TRPC1: variants seen among roughly 807,000 people sequenced by gnomAD.
TRPC1 encodes the protein transient receptor potential cation channel subfamily C member 1, also known as short transient receptor potential channel 1.
A neutral mutation model predicts 88.2 loss-of-function variants in TRPC1; 42 were observed. That is an observed-to-expected ratio of 0.48 (90% confidence interval 0.37 to 0.62). TRPC1 has a LOEUF of 0.62. Among genes scored for constraint, TRPC1 ranks in the 20% least tolerant of loss-of-function variants. The probability of loss-of-function intolerance (pLI) is 0.00; values close to 1 mark genes in which losing one functional copy is unlikely to be tolerated. For missense variants in TRPC1, 699 were observed against 957.3 expected, an observed-to-expected ratio of 0.73 and a Z score of 3.56; for synonymous variants, 288 against 331.8, an observed-to-expected ratio of 0.87 and a Z score of 1.43.
intron 4 of TRPC1, among the ~76,000 whole-genome samples, chr3:142,763,856 A>C (rs1409976924): frequency 6.6e-6 from 1 of 150,818 alleles, no homozygotes; most frequent in Non-Finnish European, 1.5e-5. Context: ...TATAGGTTTC[A>C]TACTATCATT....
chr3:142,775,410 G>A (rs1935734149), intron 4 of TRPC1, among the ~76,000 whole-genome samples: 1 of 152,136 alleles, frequency 6.6e-6, no homozygotes, highest in African/African-American at 2.4e-5. Flanking sequence ...CTTGAGCCTA[G>A]GAGTTCAAGA....
chr3:142,778,549 A>G (rs1935859098), intron 5 of TRPC1, among the ~76,000 whole-genome samples: 1 of 152,194 alleles, frequency 6.6e-6, no homozygotes, highest in Admixed American at 6.5e-5. Flanking sequence ...TCCTTTATGG[A>G]AAAGTATCCC....
At chr3:142,777,298 T>G (rs1438597444) in intron 4 of TRPC1, among the ~76,000 whole-genome samples, 1 of 152,134 alleles carries the variant, frequency 6.6e-6, no homozygotes, top group Non-Finnish European at 1.5e-5. Context: ...AGACCCTGTC[T>G]TTTAAGTTAA....
chr3:142,731,416 G>C (rs563332849), intron 1 of TRPC1, among the ~76,000 whole-genome samples: 1 of 118,016 alleles, frequency 8.5e-6, no homozygotes, highest in Non-Finnish European at 1.6e-5. Context: ...ACCGAGTCTC[G>C]CTCTGTCGCC....
At chr3:142,766,526 G>A (rs1028222566) in intron 4 of TRPC1, among the ~76,000 whole-genome samples, 1 of 151,476 alleles carries the variant, frequency 6.6e-6, no homozygotes, top group African/African-American at 2.4e-5. Flanking sequence ...TCATCCTCCT[G>A]GGTAGATAGG....
chr3:142,756,328 G>GT (rs758480065), intron 4 of TRPC1, among the ~76,000 whole-genome samples: 1 of 149,626 alleles, frequency 6.7e-6, no homozygotes, highest in East Asian at 2.0e-4. Context: ...GTTGGAAACA[G>GT]TTTAACATTT....
Position 142,804,620 on chromosome 3 carries a change from A to C in TRPC1, c.2144A>C (p.Asn715Thr). The C allele has an allele frequency of 6.2e-7, 1 of 1,604,082 alleles. No individual in the cohort carries two copies. Among genetic ancestry groups the C allele is most frequent in the East Asian group, 2.2e-5 (1 of 44,604 alleles). The change falls in exon 12 of 13, where the codon AAC becomes ACC. Residue 715 changes from asparagine (N) to threonine (T), a missense_variant. By Grantham distance (65) the Asn-to-Thr change is moderately conservative. This residue lies in a region of TRPC1 where 105 missense variants were observed against 141.7 expected (regional missense o/e 0.74). Transcript: ENST00000476941. ...TCAAAAGGCAAGGTCAAACGGCAAAACAGTTTAAAGGTAAGAAATTAGAAG... is the reference window on the plus strand; with the variant it reads ...TCAAAAGGCAAGGTCAAACGGCAAACCAGTTTAAAGGTAAGAAATTAGAAG... ...HTSKGKVKRQNSLKEWRNLKQ... is the reference protein window; with the variant it reads ...HTSKGKVKRQTSLKEWRNLKQ...
At chr3:142,770,435 ATTC>A (rs1935538213) in intron 4 of TRPC1, among the ~76,000 whole-genome samples, 1 of 152,106 alleles carries the variant, frequency 6.6e-6, no homozygotes, top group South Asian at 2.1e-4. Context: ...TGACCCTGTT[ATTC>A]TTAGAAGGTA....
intron 4 of TRPC1, among the ~76,000 whole-genome samples, chr3:142,773,780 T>C (rs1935663306): frequency 6.7e-6 from 1 of 149,928 alleles, no homozygotes; most frequent in African/African-American, 2.5e-5. Context: ...ATTGGATTAT[T>C]TTAATGAAGT....
chr3:142,791,245 A>C (rs1936287083), intron 8 of TRPC1, 87 bp downstream of exon 8: 2 of 1,202,558 alleles, frequency 1.7e-6, no homozygotes, highest in East Asian at 2.5e-5. Context: ...TCAGAGTTAC[A>C]TTGAGCCAGA....
At chr3:142,805,087 C>T (rs570651388) in intron 12 of TRPC1, among the ~76,000 whole-genome samples, 22 of 143,744 alleles carry the variant, frequency 1.5e-4, no homozygotes, top group African/African-American at 4.8e-4. Context: ...GGTGACAGAG[C>T]GAGACTCCAC....
At chr3:142,763,808 T>G (rs1268568167) in intron 4 of TRPC1, among the ~76,000 whole-genome samples, 1 of 151,560 alleles carries the variant, frequency 6.6e-6, no homozygotes, top group Non-Finnish European at 1.5e-5. Context: ...TCTGGTAGTA[T>G]ATTTTAATTT....
At chr3:142,787,144 A>G (rs951783430) in intron 7 of TRPC1, among the ~76,000 whole-genome samples, 2 of 152,230 alleles carry the variant, frequency 1.3e-5, no homozygotes, top group Non-Finnish European at 1.5e-5. Flanking sequence ...ATGCATGTGC[A>G]TTAAGCCAGT....
chr3:142,725,974 A>G (rs1933655875), intron 1 of TRPC1, among the ~76,000 whole-genome samples: 1 of 152,168 alleles, frequency 6.6e-6, no homozygotes, highest in African/African-American at 2.4e-5. Context: ...AATATTAATA[A>G]TATTGTTAAA....
chr3:142,805,858 A>G (rs1216693539), intron 12 of TRPC1, 150 bp from the exon 13 acceptor site: 1 of 586,878 alleles, frequency 1.7e-6, no homozygotes, highest in African/African-American at 1.9e-5. Flanking sequence ...TTTGTTTTAA[A>G]CAAGTGTTGA....
Position 142,753,739 on chromosome 3 carries a change from A to AAC in TRPC1, c.632+5280_632+5281insCA, listed in dbSNP as rs1443460338. 3.1e-3 allele frequency among the ~76,000 whole-genome samples: 475 copies of AAC among 151,580 alleles called. 14 individuals are homozygous for AAC. The highest frequency in any genetic ancestry group is 0.011 in the African/African-American group (461 of 41,296). ...GAGACTCTGCCTCAAAAAAAAAAAA[A>AAC]AAAAAAACTTAGAGAAATAGCAAGG... On this transcript the variant is annotated intron_variant, in intron 4 of 12. Coordinates refer to ENST00000476941, the MANE Select transcript of TRPC1 (RefSeq NM_001251845.2).
intron 9 of TRPC1, among the ~76,000 whole-genome samples, chr3:142,799,446 T>G (rs1936546577): frequency 1.3e-5 from 2 of 152,178 alleles, no homozygotes; most frequent in African/African-American, 4.8e-5. Context: ...CAAGCCAGTG[T>G]TTTCCTCAGT....
chr3:142,772,081 G>T (rs78784663), intron 4 of TRPC1, among the ~76,000 whole-genome samples: 1 of 152,070 alleles, frequency 6.6e-6, no homozygotes, highest in East Asian at 1.9e-4. Context: ...TTTTTCTCTT[G>T]TTGCTTCCGA....
intron 9 of TRPC1, among the ~76,000 whole-genome samples, chr3:142,798,396 G>T (rs2108155732): frequency 6.6e-6 from 1 of 152,282 alleles, no homozygotes; most frequent in East Asian, 1.9e-4. Flanking sequence ...ATAAATACTA[G>T]TATGAAGTCA....
Sources: allele counts gnomAD v4.1 joint callset (sites outside exome capture counted in the v4.1 genomes callset), GRCh38; gene constraint gnomAD v4.1.1; regional missense constraint gnomAD v4.1.1; transcripts MANE v1.5; gene names NCBI Gene and HGNC (gene_info 2026-07-23, HGNC 2026-07-21).